RGS20: variants seen among roughly 807,000 people sequenced by gnomAD.
RGS20 encodes gz-selective GTPase-activating protein.
RGS20 carries 30 observed loss-of-function variants against 33.6 expected under a neutral mutation model. That is an observed-to-expected ratio of 0.89 (90% CI 0.67 to 1.21). RGS20 has a LOEUF of 1.21. Among genes scored for constraint, RGS20 ranks in the 50% most tolerant of loss-of-function variants. The probability of loss-of-function intolerance (pLI) is 0.00; values close to 1 mark genes in which losing one functional copy is unlikely to be tolerated. For synonymous variants in RGS20, 208 were observed against 197.9 expected (o/e 1.05, Z -0.43); for missense variants, 472 against 502.4 (o/e 0.94, Z 0.58).
chr8:53,895,512 T>C (rs959746806), intron 2 of RGS20, among the ~76,000 whole-genome samples: 1 of 152,228 alleles, frequency 6.6e-6, no homozygotes. Context: ...GCGCTTCCTT[T>C]TCTCAATTAT....
At chr8:53,858,509 C>T (rs753929389) in intron 1 of RGS20, among the ~76,000 whole-genome samples, 8 of 151,918 alleles carry the variant, frequency 5.3e-5, no homozygotes, top group Non-Finnish European at 1.0e-4. Context: ...TATACACACA[C>T]ACACACATCC....
chr8:53,919,996 C>T (rs1191491819), intron 2 of RGS20, among the ~76,000 whole-genome samples: 2 of 152,150 alleles, frequency 1.3e-5, no homozygotes, highest in African/African-American at 2.4e-5. Context: ...ACTTCAGCTT[C>T]CTGAGTAGCT....
intron 3 of RGS20, among the ~76,000 whole-genome samples, chr8:53,942,251 C>A (rs1444745938): frequency 6.6e-6 from 1 of 151,826 alleles, no homozygotes; most frequent in African/African-American, 2.4e-5. Context: ...TCAGCCTGGG[C>A]AACAAGAGCA....
At chr8:53,950,620 GTT>G (rs942607346) in intron 4 of RGS20, among the ~76,000 whole-genome samples, 3 of 141,454 alleles carry the variant, frequency 2.1e-5, no homozygotes, top group Admixed American at 7.1e-5. Flanking sequence ...TTAATGTTTT[GTT>G]TTTTTTTTTT....
In RGS20 at chr8:53,851,813, A is replaced by AAC; in HGVS notation, c.-87_-86insAC. The AAC allele has an allele frequency of 7.0e-7, 1 of 1,427,526 alleles. No homozygotes were observed. Among genetic ancestry groups the AAC allele is most frequent in the Non-Finnish European group, 9.5e-7 (1 of 1,048,802 alleles). 88.4% of individuals were successfully genotyped at this position (1,427,526 alleles called of 1,614,324 possible). A position where few individuals can be genotyped will look rare whatever the true frequency, so the allele number is the denominator to read the frequency against. On this transcript the variant is annotated 5_prime_UTR_variant, in exon 1 of 6. Transcript: ENST00000297313. ...CAGATTCAGAGCCAGCCCAGCATTA[A>AAC]CCAAACAAAGAGAAGCAGAGTGGAT...
chr8:53,868,759 A>AT (rs747634845), intron 1 of RGS20, among the ~76,000 whole-genome samples: 83 of 147,124 alleles, frequency 5.6e-4, no homozygotes, highest in South Asian at 1.5e-3. Flanking sequence ...GGACAAATGC[A>AT]TTTTTTTTTT....
intron 3 of RGS20, among the ~76,000 whole-genome samples, chr8:53,946,357 C>T (rs933980811): frequency 2.0e-5 from 3 of 152,036 alleles, no homozygotes; most frequent in Non-Finnish European, 4.4e-5. Context: ...GCCACCGCGC[C>T]GAACCCTTTT....
At chr8:53,944,450 A>C (rs946404361) in intron 3 of RGS20, among the ~76,000 whole-genome samples, 4 of 152,048 alleles carry the variant, frequency 2.6e-5, no homozygotes, top group African/African-American at 9.6e-5. Flanking sequence ...AGGGAGGAGA[A>C]TCACTTAAAC....
chr8:53,879,719 G>A, intron 2 of RGS20: 1 of 925,880 alleles, frequency 1.1e-6, no homozygotes, highest in Non-Finnish European at 1.5e-6. Flanking sequence ...AGGGAGGGTG[G>A]CAAGGTCGGG....
intron 1 of RGS20, among the ~76,000 whole-genome samples, chr8:53,865,377 AG>A (rs1811896715): frequency 2.6e-5 from 4 of 152,224 alleles, no homozygotes; most frequent in African/African-American, 9.6e-5. Flanking sequence ...TCTGTAATTG[AG>A]AAAGAGATGA....
At chr8:53,900,592 AC>A (rs1389208988) in intron 2 of RGS20, among the ~76,000 whole-genome samples, 1 of 152,214 alleles carries the variant, frequency 6.6e-6, no homozygotes, top group Non-Finnish European at 1.5e-5. Flanking sequence ...CCAGAGTAGC[AC>A]CTAGTTTTCA....
intron 2 of RGS20, among the ~76,000 whole-genome samples, chr8:53,902,180 T>A (rs1813050833): frequency 6.6e-6 from 1 of 152,084 alleles, no homozygotes; most frequent in South Asian, 2.1e-4. Flanking sequence ...CACATCCAGC[T>A]AATTTTTGCT....
At chr8:53,881,643 T>G (rs1812387601) in intron 2 of RGS20, among the ~76,000 whole-genome samples, 1 of 152,000 alleles carries the variant, frequency 6.6e-6, no homozygotes, top group Admixed American at 6.5e-5. Context: ...GGTGAGGAAG[T>G]GGACGCCCCA....
chr8:53,941,180 A>C (rs1424664107), intron 3 of RGS20, among the ~76,000 whole-genome samples: 1 of 152,212 alleles, frequency 6.6e-6, no homozygotes, highest in African/African-American at 2.4e-5. Flanking sequence ...ACAGGTAACA[A>C]GTAGGACGAA....
intron 3 of RGS20, among the ~76,000 whole-genome samples, chr8:53,943,756 A>G (rs1181026966): frequency 6.6e-6 from 1 of 152,044 alleles, no homozygotes; most frequent in Non-Finnish European, 1.5e-5. Flanking sequence ...TGTCAAATTC[A>G]TCTCTTTTTT....
intron 2 of RGS20, among the ~76,000 whole-genome samples, chr8:53,936,913 C>A (rs1814151872): frequency 6.6e-6 from 1 of 152,260 alleles, no homozygotes; most frequent in Non-Finnish European, 1.5e-5. Flanking sequence ...ACCAATGGAA[C>A]AGAACAGAGG....
chr8:53,868,906 C>G (rs994184173), intron 1 of RGS20, among the ~76,000 whole-genome samples: 6 of 152,136 alleles, frequency 3.9e-5, no homozygotes, highest in African/African-American at 1.2e-4. Context: ...GTACGCACCA[C>G]CACGCCTGGC....
intron 1 of RGS20, among the ~76,000 whole-genome samples, chr8:53,868,065 T>C (rs1344644953): frequency 1.3e-5 from 2 of 152,206 alleles, no homozygotes; most frequent in Non-Finnish European, 2.9e-5. Context: ...CTAATCAATT[T>C]ACTAAGTAAA....
Position 53,857,134 on chromosome 8 carries a change from C to T in RGS20, c.165+5070C>T, listed in dbSNP as rs138977953. ...TGTTTCTTATTTTCCTGAAGGCGCT[C>T]CAAAAATAATTCCATAGTAAGTAGT... On this transcript the variant is annotated intron_variant, in intron 1 of 5. Coordinates refer to ENST00000297313, the MANE Select transcript of RGS20 (RefSeq NM_170587.4). Among the ~76,000 whole-genome samples the T allele has an allele frequency of 2.6e-3, 396 of 152,284 alleles. 1 individual carries two copies. The highest frequency in any genetic ancestry group is 4.3e-3 in the Non-Finnish European group (291 of 68,012).
Sources: allele counts gnomAD v4.1 joint callset (sites outside exome capture counted in the v4.1 genomes callset), GRCh38; gene constraint gnomAD v4.1.1; transcripts MANE v1.5; gene names NCBI Gene and HGNC (gene_info 2026-07-23, HGNC 2026-07-21).